Variants in DHRS2 observed in about 807,000 individuals in gnomAD.
The protein encoded by DHRS2 is dehydrogenase/reductase 2.
A neutral mutation model predicts 26.3 loss-of-function variants in DHRS2; 29 were observed. That is an observed-to-expected ratio of 1.10 (90% CI 0.82 to 1.50). The LOEUF (loss-of-function observed/expected upper bound fraction) is 1.50, where lower values mean the gene tolerates loss of function less well. Among genes scored for constraint, DHRS2 ranks in the 40% most tolerant of loss-of-function variants. The probability of loss-of-function intolerance (pLI) is 0.00; values close to 1 mark genes in which losing one functional copy is unlikely to be tolerated. For synonymous variants in DHRS2, 164 were observed against 151.3 expected (o/e 1.08, Z -0.62); for missense variants, 439 against 367.1 (o/e 1.20, Z -1.60).
chr14:23,630,486 T>C (rs1438768090), intron 1 of DHRS2, among the ~76,000 whole-genome samples: 1 of 152,260 alleles, frequency 6.6e-6, no homozygotes, highest in African/African-American at 2.4e-5. Context: ...CAACCCCTTA[T>C]TTTACTGTGA....
Position 23,644,552 on chromosome 14 carries a change from T to C in DHRS2, c.675+9T>C. The C allele has an allele frequency of 6.2e-7, 1 of 1,614,170 alleles. No homozygotes were observed. ...CTGACTTCAGCAAAGTGGTGAGGATTGGGTGTGTCTTCCATCTCCCAGTCT... is the reference window on the plus strand; with the variant it reads ...CTGACTTCAGCAAAGTGGTGAGGATCGGGTGTGTCTTCCATCTCCCAGTCT... On this transcript the variant is annotated intron_variant, in intron 7 of 8. Coordinates refer to ENST00000250383, the MANE Select transcript of DHRS2 (RefSeq NM_005794.4).
At chr14:23,634,868 G>T (rs945301191), upstream of DHRS2, among the ~76,000 whole-genome samples, 1 of 152,050 alleles carries the variant, frequency 6.6e-6, no homozygotes, top group Non-Finnish European at 1.5e-5. Context: ...ATGAGATCTG[G>T]TTGTTTGGAA....
rs531768247 is a variant in DHRS2 at position 23,641,514 on chromosome 14, T to G, written c.420+1619T>G. 1.1e-5 allele frequency: 11 copies of G among 1,045,518 alleles called. No individual in the cohort carries two copies. The East Asian group carries it at 6.7e-4, about 64-fold the overall frequency. 64.8% of individuals were successfully genotyped at this position (1,045,518 alleles called of 1,614,324 possible). ...AGTCTCACCTTTTCTTTGGCTTGGT[T>G]TTTGTTCCTGAGTCCAGGAGGGGTC... On this transcript the variant is annotated intron_variant, in intron 4 of 8. Coordinates refer to ENST00000250383, the MANE Select transcript of DHRS2 (RefSeq NM_005794.4).
intron 5 of DHRS2, 110 bp downstream of exon 5, chr14:23,643,329 A>G: frequency 1.0e-6 from 1 of 955,422 alleles, no homozygotes; most frequent in Non-Finnish European, 1.6e-6. Context: ...GAGGTCTGGG[A>G]TCTCCACATC....
intron 4 of DHRS2, 41 bp from the exon 5 acceptor site, chr14:23,643,111 C>T (rs779649385): frequency 1.2e-6 from 2 of 1,603,940 alleles, no homozygotes; most frequent in Non-Finnish European, 1.7e-6. Flanking sequence ...TTGGGCTGAC[C>T]ATGTCTCTCT....
chr14:23,644,219 T>C, intron 6 of DHRS2, 57 bp downstream of exon 6: 1 of 1,597,886 alleles, frequency 6.3e-7, no homozygotes, highest in South Asian at 1.1e-5. Context: ...AACTTTGTTC[T>C]TTTCCTCAGA....
intron 1 of DHRS2, chr14:23,638,588 C>G (rs951787935): frequency 5.2e-6 from 2 of 385,986 alleles, no homozygotes; most frequent in Admixed American, 4.2e-5. Flanking sequence ...TCACCCTTGT[C>G]TAATGAATGT....
chr14:23,640,446 G>A (rs1890603565), intron 4 of DHRS2: 2 of 985,322 alleles, frequency 2.0e-6, no homozygotes, highest in Non-Finnish European at 2.4e-6. Context: ...GTCCATTCAA[G>A]GATTCTGCTA....
At chr14:23,643,335 A>T in intron 5 of DHRS2, 116 bp downstream of exon 5, 2 of 910,228 alleles carry the variant, frequency 2.2e-6, no homozygotes, top group Non-Finnish European at 3.5e-6. Context: ...TGGGATCTCC[A>T]CATCCCTCAT....
At chr14:23,642,999 C>A (rs1890728534) in intron 4 of DHRS2, 153 bp from the exon 5 acceptor site, 3 of 716,274 alleles carry the variant, frequency 4.2e-6, no homozygotes, top group South Asian at 3.5e-5. Context: ...ATTGGAAATA[C>A]CTCTTGCACC....
chr14:23,641,586 G>C, intron 4 of DHRS2: 1 of 1,286,566 alleles, frequency 7.8e-7, no homozygotes, highest in Non-Finnish European at 1.0e-6. Flanking sequence ...GTATTGGACA[G>C]ATATCCTGTG....
chr14:23,645,315 G>A lies in DHRS2; in HGVS notation c.*62G>A. The A allele has an allele frequency of 6.2e-7, 1 of 1,610,588 alleles. No individual in the cohort carries two copies. Among genetic ancestry groups the A allele is most frequent in the Admixed American group, 1.7e-5 (1 of 60,006 alleles). ...CCCAGGAGCCTGAGGGGGTGTCTAG[G>A]TGATCATTTGGATCTGGAGGCAGAG... On this transcript the variant is annotated 3_prime_UTR_variant, in exon 9 of 9. Coordinates refer to ENST00000250383, the MANE Select transcript of DHRS2 (RefSeq NM_005794.4).
At chr14:23,631,554 C>T (rs1015376884), upstream of DHRS2, among the ~76,000 whole-genome samples, 1 of 151,954 alleles carries the variant, frequency 6.6e-6, no homozygotes, top group African/African-American at 2.4e-5. Context: ...CTCTACCCCC[C>T]CCACCCCTTT....
chr14:23,644,953 A>G, intron 8 of DHRS2, 71 bp downstream of exon 8: 1 of 1,578,990 alleles, frequency 6.3e-7, no homozygotes, highest in Admixed American at 1.7e-5. Context: ...TTGCAAGAGC[A>G]GACCCCTCCC....
rs766037627 is a variant in DHRS2 at position 23,643,236 on chromosome 14, G to A, written c.488+17G>A. On this transcript the variant is annotated intron_variant, in intron 5 of 8. Coordinates refer to ENST00000250383, the MANE Select transcript of DHRS2 (RefSeq NM_005794.4). ...GGAGAACAGGTATGGCAGGGCGGGG[G>A]TGGGGACCAGTCGGAGTTGGGGACC... 3.5e-5 allele frequency: 57 copies of A among 1,613,274 alleles called. No individual in the cohort carries two copies. Among genetic ancestry groups the A allele is most frequent in the Non-Finnish European group, 4.7e-5 (55 of 1,179,784 alleles).
intron 4 of DHRS2, 174 bp from the exon 5 acceptor site, chr14:23,642,978 A>G (rs560930281): frequency 2.9e-5 from 19 of 646,876 alleles, no homozygotes; most frequent in South Asian, 2.9e-4. Flanking sequence ...TGCCTATGAA[A>G]CCATTAGCAA....
rs149593009 is a variant in DHRS2 at position 23,639,202 on chromosome 14, G to T, written c.164G>T (p.Arg55Leu). Residue 55 changes from arginine to leucine, a missense_variant, in exon 3 of 9, where the codon CGT (arginine) becomes CTT (leucine). By Grantham distance (102) the Arg-to-Leu change is moderately radical. Transcript: ENST00000250383. ...TSGIGFAIAR[R>L]LARDGAHVVI... is the part of the protein sequence containing the mutation. ...AGGATCGGCTTTGCCATCGCCCGAC[G>T]TCTGGCCCGGGACGGGGCCCACGTG... The T allele has an allele frequency of 1.2e-6, 2 of 1,613,816 alleles. No homozygotes were observed. The highest frequency in any genetic ancestry group is 1.1e-5 in the South Asian group (1 of 91,038).
At position 23,644,413 on chromosome 14, in the gene DHRS2, T is replaced by C; in HGVS notation, c.545T>C (p.Leu182Pro). 1.2e-6 allele frequency: 2 copies of C among 1,614,154 alleles called. No individual in the cohort carries two copies. Among genetic ancestry groups the C allele is most frequent in the Middle Eastern group, 1.6e-4 (1 of 6,062 alleles). ...SIAAYNPVVALGVYNVSKTAL... is the reference protein window; with the variant it reads ...SIAAYNPVVAPGVYNVSKTAL... ...CTCTGTCAATTCCCTTCCCAGGCGC[T>C]GGGTGTCTACAATGTCAGCAAGACA... The change falls in exon 7 of 9, where the codon CTG (leucine) becomes CCG (proline). Residue 182 changes from leucine (L) to proline (P), a missense_variant. Transcript: ENST00000250383.
chr14:23,641,680 TACCC>T (rs1890677674), intron 4 of DHRS2: 2 of 1,289,708 alleles, frequency 1.6e-6, no homozygotes, highest in African/African-American at 3.0e-5. Context: ...CTCAGGGTGG[TACCC>T]ACTTCTGACA....
Sources: allele counts gnomAD v4.1 joint callset (sites outside exome capture counted in the v4.1 genomes callset), GRCh38; gene constraint gnomAD v4.1.1; transcripts MANE v1.5; gene names NCBI Gene and HGNC (gene_info 2026-07-23, HGNC 2026-07-21).